The following CMC1 variants were observed in gnomAD, a reference collection of about 807,000 sequenced individuals.
The protein encoded by CMC1 is C-X9-C motif containing 1, also known as COX assembly mitochondrial protein homolog.
CMC1 carries 14 observed loss-of-function variants against 14.1 expected under a neutral mutation model. That is an observed-to-expected ratio of 0.99 (90% CI 0.66 to 1.55). The LOEUF (loss-of-function observed/expected upper bound fraction) is 1.55, where lower values mean the gene tolerates loss of function less well. Among genes scored for constraint, CMC1 ranks in the 40% most tolerant of loss-of-function variants. The pLI is 0.00. For synonymous variants in CMC1, 50 were observed against 38.4 expected (o/e 1.30, Z -1.12); for missense variants, 127 against 123.8 (o/e 1.03, Z -0.12).
chr3:28,323,017 GA>G lies in CMC1; in HGVS notation c.*3390del, dbSNP rs200870951. ...TTATTTCCAAATAATTGGCCACTTA[GA>G]ATAAGTGTGGACATTTCATGATCGA... On this transcript the variant is annotated 3_prime_UTR_variant, in exon 4 of 4. Transcript: ENST00000466830. 7.1e-6 allele frequency: 1 copy of G among 141,184 alleles called. No individual in the cohort carries two copies. The highest frequency in any genetic ancestry group is 1.6e-5 in the Non-Finnish European group (1 of 61,024). 8.7% of individuals were successfully genotyped at this position (141,184 alleles called of 1,614,324 possible).
At chr3:28,317,057 A>G (rs1454540441) in intron 3 of CMC1, 1 of 152,086 alleles carries the variant, frequency 6.6e-6, no homozygotes, top group African/African-American at 2.4e-5. Flanking sequence ...TTTAGTAAGT[A>G]TTGTTAATTG....
chr3:28,269,002 A>G (rs559733862), intron 2 of CMC1, among the ~76,000 whole-genome samples: 2 of 152,314 alleles, frequency 1.3e-5, no homozygotes, highest in East Asian at 1.9e-4. Context: ...GTACAATAAG[A>G]TATTTTGAGA....
At chr3:28,313,311 T>C (rs1006351746) in intron 2 of CMC1, among the ~76,000 whole-genome samples, 2 of 152,214 alleles carry the variant, frequency 1.3e-5, no homozygotes, top group Non-Finnish European at 2.9e-5. Context: ...GAATAACTTT[T>C]AACAATCTCT....
At chr3:28,300,740 T>G (rs1244787833) in intron 2 of CMC1, among the ~76,000 whole-genome samples, 7 of 143,474 alleles carry the variant, frequency 4.9e-5, no homozygotes, top group Admixed American at 1.4e-4. Flanking sequence ...CTCCCTGCCT[T>G]CCTTCCTTCC....
intron 2 of CMC1, among the ~76,000 whole-genome samples, chr3:28,305,746 C>T: frequency 7.0e-6 from 1 of 143,630 alleles, no homozygotes; most frequent in East Asian, 2.0e-4. Context: ...AATTTTTTGC[C>T]TAGGCCAGTG....
intron 1 of CMC1, among the ~76,000 whole-genome samples, chr3:28,261,408 A>G (rs1270257922): frequency 6.6e-6 from 1 of 152,136 alleles, no homozygotes; most frequent in Non-Finnish European, 1.5e-5. Flanking sequence ...TAGAGAGGCC[A>G]TTGGTAGATG....
chr3:28,242,914 A>G (rs1050351256), intron 1 of CMC1, among the ~76,000 whole-genome samples: 1 of 152,134 alleles, frequency 6.6e-6, no homozygotes, highest in Admixed American at 6.5e-5. Context: ...CCTATGAGCA[A>G]AGGTTTAGAT....
chr3:28,296,041 T>C (rs1274966964), intron 2 of CMC1, among the ~76,000 whole-genome samples: 1 of 152,120 alleles, frequency 6.6e-6, no homozygotes, highest in Non-Finnish European at 1.5e-5. Context: ...ACCTGGTCCA[T>C]AGTAAGAAAT....
intron 2 of CMC1, among the ~76,000 whole-genome samples, chr3:28,306,642 G>A (rs1482005357): frequency 6.7e-6 from 1 of 150,152 alleles, no homozygotes; most frequent in African/African-American, 2.5e-5. Flanking sequence ...TTAAAATGAA[G>A]AATTTTTTTT....
chr3:28,324,507 A>G lies in CMC1; in HGVS notation c.*4878A>G, dbSNP rs1703308849. On this transcript the variant is annotated 3_prime_UTR_variant, in exon 4 of 4. Transcript: ENST00000466830. ...AGTTTTCATTACATTTGTGATCATA[A>G]AATTCGATAACACTTCACCAATTTG... is the stretch of plus-strand genomic sequence containing the variant. The G allele has an allele frequency of 7.3e-7, 1 of 1,378,080 alleles. No individual in the cohort carries two copies. The highest frequency in any genetic ancestry group is 2.4e-5 in the East Asian group (1 of 42,062). 85.4% of individuals were successfully genotyped at this position (1,378,080 alleles called of 1,614,324 possible).
At chr3:28,252,595 G>T (rs1201618970) in intron 1 of CMC1, among the ~76,000 whole-genome samples, 1 of 152,030 alleles carries the variant, frequency 6.6e-6, no homozygotes. Context: ...TTCAAATTTT[G>T]CTGGTTCAAA....
chr3:28,258,063 T>TAG (rs1699512483), intron 1 of CMC1, among the ~76,000 whole-genome samples: 1 of 84,888 alleles, frequency 1.2e-5, no homozygotes, highest in Non-Finnish European at 2.5e-5. Flanking sequence ...AGCACCTTTA[T>TAG]ATATATATAT....
At chr3:28,245,241 G>A (rs1382246897) in intron 1 of CMC1, among the ~76,000 whole-genome samples, 1 of 152,106 alleles carries the variant, frequency 6.6e-6, no homozygotes, top group East Asian at 1.9e-4. Flanking sequence ...GCGAAAAAAT[G>A]CAGGTTACAT....
At chr3:28,305,893 C>G (rs546519910) in intron 2 of CMC1, among the ~76,000 whole-genome samples, 3 of 131,122 alleles carry the variant, frequency 2.3e-5, no homozygotes, top group Non-Finnish European at 3.1e-5. Flanking sequence ...GAGTTTCATT[C>G]TTTTGCACAT....
intron 2 of CMC1, among the ~76,000 whole-genome samples, chr3:28,280,891 TCCA>T (rs1445164146): frequency 4.6e-5 from 7 of 152,194 alleles, no homozygotes; most frequent in Non-Finnish European, 1.5e-5. Context: ...CCAGATTTGG[TCCA>T]CCACCTATCT....
At chr3:28,262,024 T>C (rs2125458604) in intron 1 of CMC1, among the ~76,000 whole-genome samples, 1 of 152,324 alleles carries the variant, frequency 6.6e-6, no homozygotes, top group African/African-American at 2.4e-5. Flanking sequence ...TTAGTTCCTA[T>C]ATATCTGAAT....
chr3:28,323,431 C>G lies in CMC1; in HGVS notation c.*3802C>G, dbSNP rs1703256005. On this transcript the variant is annotated 3_prime_UTR_variant, in exon 4 of 4. Coordinates refer to ENST00000466830, the MANE Select transcript of CMC1 (RefSeq NM_182523.2). ...GTTGGCTTCAGTGATCAGGTTGTTT[C>G]AAGTCTTAGAATTCAAACTTCAATT... 6.8e-6 allele frequency: 1 copy of G among 146,740 alleles called. No individual in the cohort carries two copies. The highest frequency in any genetic ancestry group is 2.1e-4 in the South Asian group (1 of 4,728). The allele number at this position is 146,740 out of a possible 1,614,324, so 9.1% of individuals were successfully genotyped here.
intron 2 of CMC1, among the ~76,000 whole-genome samples, chr3:28,269,197 C>T (rs1396317364): frequency 1.3e-5 from 2 of 152,248 alleles, no homozygotes; most frequent in Admixed American, 6.5e-5. Context: ...GGGCTTAGAA[C>T]GTATCCCCCA....
intron 2 of CMC1, among the ~76,000 whole-genome samples, chr3:28,274,381 G>A (rs944267700): frequency 4.6e-5 from 7 of 151,684 alleles, no homozygotes; most frequent in African/African-American, 1.7e-4. Context: ...AGCTTAGTTT[G>A]GCCAGATGTG....
Sources: gnomAD v4.1 joint callset for allele counts (sites outside exome capture counted in the v4.1 genomes callset) on GRCh38, gnomAD v4.1.1 for gene constraint, MANE v1.5 for transcripts, NCBI Gene and HGNC (gene_info 2026-07-23, HGNC 2026-07-21) for gene names.